Variants in CSMD3 observed in about 807,000 individuals in gnomAD.
CSMD3 encodes CUB and sushi domain-containing protein 3.
In CSMD3, 177 loss-of-function variants were observed where a neutral mutation model predicts 435.2. The ratio of observed to expected loss-of-function variants is 0.41; its 90% CI spans 0.36 to 0.46. CSMD3 has a LOEUF of 0.46. Among genes scored for constraint, CSMD3 ranks in the 20% least tolerant of loss-of-function variants. The pLI is 0.34. For synonymous variants in CSMD3, 1,656 were observed against 1,520.5 expected, an observed-to-expected ratio of 1.09 and a Z score of -2.07; for missense variants, 4,265 against 4,504.6, an observed-to-expected ratio of 0.95 and a Z score of 1.52.
At chr8:112,632,184 A>C (rs1282340401) in intron 22 of CSMD3, among the ~76,000 whole-genome samples, 1 of 152,046 alleles carries the variant, frequency 6.6e-6, no homozygotes, top group Non-Finnish European at 1.5e-5. Flanking sequence ...GAGAAGTTAC[A>C]ATGATAGTAC....
chr8:113,112,388 TA>T (rs1247841186), intron 4 of CSMD3, among the ~76,000 whole-genome samples: 1 of 54 alleles, frequency 0.019, no homozygotes, highest in Non-Finnish European at 0.028. Context: ...CAATAAAACA[TA>T]TATATATATA....
chr8:112,235,638 A>T (rs1813503406), intron 67 of CSMD3, among the ~76,000 whole-genome samples: 1 of 152,274 alleles, frequency 6.6e-6, no homozygotes, highest in Non-Finnish European at 1.5e-5. Context: ...AATCTGATTA[A>T]CTGTTGTTTA....
chr8:113,118,670 A>G (rs138834758), intron 4 of CSMD3, among the ~76,000 whole-genome samples: 1 of 152,326 alleles, frequency 6.6e-6, no homozygotes, highest in Non-Finnish European at 1.5e-5. Flanking sequence ...TCTAATTTTT[A>G]GAAATGTATT....
chr8:113,342,473 T>C (rs997791599), intron 1 of CSMD3, among the ~76,000 whole-genome samples: 3 of 152,178 alleles, frequency 2.0e-5, no homozygotes, highest in African/African-American at 7.2e-5. Flanking sequence ...TAAAATTGTA[T>C]AAATGACTAA....
intron 3 of CSMD3, among the ~76,000 whole-genome samples, chr8:113,208,005 G>A (rs529261262): frequency 1.3e-5 from 2 of 152,232 alleles, no homozygotes; most frequent in South Asian, 2.1e-4. Flanking sequence ...AAATTTTAGA[G>A]GCCGATGGTA....
intron 13 of CSMD3, among the ~76,000 whole-genome samples, chr8:112,702,276 A>C (rs915313804): frequency 2.0e-5 from 3 of 152,098 alleles, no homozygotes; most frequent in Admixed American, 6.6e-5. Context: ...CCAGGATATG[A>C]GTTCTTAAGC....
At chr8:112,516,941 A>G (rs1404830413) in intron 28 of CSMD3, 93 bp downstream of exon 28, 5 of 935,094 alleles carry the variant, frequency 5.3e-6, no homozygotes, top group Non-Finnish European at 6.8e-6. Flanking sequence ...TCTCATATAG[A>G]ATCTAGTCTA....
chr8:112,858,271 C>T (rs1387090430), intron 11 of CSMD3, among the ~76,000 whole-genome samples: 5 of 151,738 alleles, frequency 3.3e-5, no homozygotes, highest in Non-Finnish European at 7.4e-5. Flanking sequence ...CTATAAAATA[C>T]ATGTCTTTAT....
intron 4 of CSMD3, among the ~76,000 whole-genome samples, chr8:113,133,148 A>C (rs896555793): frequency 1.3e-5 from 2 of 152,172 alleles, no homozygotes; most frequent in Non-Finnish European, 2.9e-5. Context: ...AAAAATTTAA[A>C]GAATTCTAAA....
intron 33 of CSMD3, 144 bp downstream of exon 33, chr8:112,408,775 T>C: frequency 7.4e-7 from 1 of 1,355,034 alleles, no homozygotes; most frequent in Non-Finnish European, 1.0e-6. Flanking sequence ...TTTGTTTCTA[T>C]TCTTTAGAAA....
intron 41 of CSMD3, among the ~76,000 whole-genome samples, chr8:112,344,938 CTG>C (rs1362407287): frequency 6.6e-6 from 1 of 152,038 alleles, no homozygotes; most frequent in African/African-American, 2.4e-5. Context: ...AAAATAATAA[CTG>C]TACTACTTGA....
chr8:112,396,277 T>A (rs1031927105), intron 35 of CSMD3, among the ~76,000 whole-genome samples: 1 of 152,166 alleles, frequency 6.6e-6, no homozygotes, highest in African/African-American at 2.4e-5. Context: ...TTGGCTTAAG[T>A]TATTAACTGA....
At chr8:112,232,602 C>G (rs1456799475) in intron 68 of CSMD3, among the ~76,000 whole-genome samples, 1 of 151,954 alleles carries the variant, frequency 6.6e-6, no homozygotes, top group Non-Finnish European at 1.5e-5. Context: ...GAGTGAGACT[C>G]TGCTCAAAAA....
chr8:112,867,222 A>T (rs566422164), intron 10 of CSMD3, among the ~76,000 whole-genome samples: 17 of 152,234 alleles, frequency 1.1e-4, no homozygotes, highest in African/African-American at 3.6e-4. Context: ...CACATGTTTC[A>T]GGTACCTTTC....
At chr8:112,742,082 C>T (rs978431719) in intron 13 of CSMD3, among the ~76,000 whole-genome samples, 1 of 151,826 alleles carries the variant, frequency 6.6e-6, no homozygotes, top group Non-Finnish European at 1.5e-5. Context: ...GGGTGTAAGA[C>T]AAGAGTGTGT....
chr8:112,657,450 A>G (rs1388409757), intron 17 of CSMD3, among the ~76,000 whole-genome samples: 2 of 152,104 alleles, frequency 1.3e-5, no homozygotes, highest in Non-Finnish European at 1.5e-5. Context: ...CCTCTATTCT[A>G]TGATGTCTGA....
chr8:113,431,972 T>C (rs925530525), intron 1 of CSMD3, among the ~76,000 whole-genome samples: 2 of 152,204 alleles, frequency 1.3e-5, no homozygotes, highest in African/African-American at 2.4e-5. Context: ...GGGTAATAAC[T>C]ACTGGAACGA....
intron 25 of CSMD3, 85 bp downstream of exon 25, chr8:112,556,678 G>A (rs1828146744): frequency 9.3e-7 from 1 of 1,073,074 alleles, no homozygotes; most frequent in African/African-American, 1.6e-5. Context: ...AGTTCTATGA[G>A]GACAGAAAGA....
intron 1 of CSMD3, among the ~76,000 whole-genome samples, chr8:113,381,470 AG>A: frequency 6.6e-6 from 1 of 152,264 alleles, no homozygotes; most frequent in East Asian, 1.9e-4. Context: ...GAGTTTTTGA[AG>A]GGCTTGAGCA....
Sources: gnomAD v4.1 joint callset for allele counts (sites outside exome capture counted in the v4.1 genomes callset) on GRCh38, gnomAD v4.1.1 for gene constraint, MANE v1.5 for transcripts, NCBI Gene and HGNC (gene_info 2026-07-23, HGNC 2026-07-21) for gene names.